Variants in TCEA1 observed in about 807,000 individuals in gnomAD.
TCEA1 encodes transcription elongation factor A protein 1.
Under a neutral mutation model 43.8 loss-of-function variants are expected in TCEA1, and 21 were observed. That is an observed-to-expected ratio of 0.48 (90% confidence interval 0.34 to 0.69). The LOEUF (loss-of-function observed/expected upper bound fraction) is 0.69. TCEA1 is among the 30% of genes least tolerant of loss of function. The probability of loss-of-function intolerance (pLI) is 0.01; values close to 1 mark genes in which losing one functional copy is unlikely to be tolerated. For missense variants in TCEA1, 250 were observed against 365.1 expected, an observed-to-expected ratio of 0.68 and a Z score of 2.57; for synonymous variants, 104 against 117.5, an observed-to-expected ratio of 0.88 and a Z score of 0.75.
intron 8 of TCEA1, among the ~76,000 whole-genome samples, chr8:53,974,463 T>A (rs1246433993): frequency 6.6e-6 from 1 of 150,402 alleles, no homozygotes; most frequent in Admixed American, 6.7e-5. Context: ...TGTTTATATT[T>A]TATGAAGTTC....
intron 2 of TCEA1, among the ~76,000 whole-genome samples, chr8:54,001,707 G>T (rs951543671): frequency 6.6e-6 from 1 of 152,160 alleles, no homozygotes; most frequent in Non-Finnish European, 1.5e-5. Flanking sequence ...GTACTGCTGG[G>T]TGATTGCTTT....
At chr8:53,978,804 T>A (rs1358390805) in intron 8 of TCEA1, 2 of 427,070 alleles carry the variant, frequency 4.7e-6, no homozygotes, top group Non-Finnish European at 8.3e-6. Flanking sequence ...TATGCCTAAT[T>A]TATAAATAAA....
chr8:53,979,034 A>G lies in TCEA1; in HGVS notation c.816T>C (p.Thr272=). 1 of 1,610,094 alleles carries G rather than the reference A, an allele frequency of 6.2e-7. No individual in the cohort carries two copies. The highest frequency in any genetic ancestry group is 2.2e-5 in the East Asian group (1 of 44,814). ...TCGKCKKKNC[T]YTQVQTRSAD... is the part of the protein sequence containing the mutation. ...ATAAACAATCACAAACCTGTGTGTA[A>G]GTGCAATTCTTCTTTTTACATTTGC... The change falls in exon 8 of 10, where the codon ACT becomes ACC. Residue 272 remains threonine (T), a synonymous_variant. Transcript: ENST00000521604.
chr8:53,988,333 G>T, intron 4 of TCEA1, 74 bp from the exon 5 acceptor site: 1 of 1,511,926 alleles, frequency 6.6e-7, no homozygotes, highest in Non-Finnish European at 8.9e-7. Context: ...CTATCATGCT[G>T]TAAAAACAAA....
intron 2 of TCEA1, 72 bp downstream of exon 2, chr8:54,010,358 T>A: frequency 8.8e-7 from 1 of 1,131,486 alleles, no homozygotes; most frequent in Non-Finnish European, 1.3e-6. Context: ...AAAAACATAT[T>A]GGTACTGAAG....
chr8:53,994,094 G>C (rs568690461), intron 3 of TCEA1, among the ~76,000 whole-genome samples: 1 of 152,220 alleles, frequency 6.6e-6, no homozygotes, highest in Non-Finnish European at 1.5e-5. Context: ...GCTCACGCCT[G>C]TAATTCCAGC....
intron 7 of TCEA1, among the ~76,000 whole-genome samples, chr8:53,980,537 G>C (rs1803470171): frequency 6.6e-6 from 1 of 152,108 alleles, no homozygotes. Context: ...TATCTGTTAG[G>C]TAATCTGTGA....
intron 8 of TCEA1, chr8:53,972,764 T>C: frequency 4.2e-6 from 3 of 713,634 alleles, no homozygotes; most frequent in South Asian, 2.7e-5. Context: ...AGTACTATTA[T>C]GCAGTAGTAG....
intron 8 of TCEA1, among the ~76,000 whole-genome samples, chr8:53,976,359 T>C (rs1020066311): frequency 2.0e-5 from 3 of 152,218 alleles, no homozygotes; most frequent in Non-Finnish European, 2.9e-5. Context: ...CTATACTTTA[T>C]ATATACTTAA....
intron 5 of TCEA1, 44 bp from the exon 6 acceptor site, chr8:53,987,069 A>T: frequency 6.7e-7 from 1 of 1,495,008 alleles, no homozygotes; most frequent in South Asian, 1.3e-5. Context: ...GTAACAGATT[A>T]AAAGAAAATT....
At position 53,967,152 on chromosome 8, in the gene TCEA1, G is replaced by T. The variant is rs1254774020; in HGVS notation, c.*952C>A. On this transcript the variant is annotated 3_prime_UTR_variant, in exon 10 of 10. Coordinates refer to ENST00000521604, the MANE Select transcript of TCEA1 (RefSeq NM_006756.4). Reference sequence around the variant, plus strand: ...TCAGTCTCCACATGGAAAGACCACAGCTTTAATGAATTATACAATCCTTAA... The same window carrying T: ...TCAGTCTCCACATGGAAAGACCACATCTTTAATGAATTATACAATCCTTAA... 1 of 209,732 alleles carries T rather than the reference G, an allele frequency of 4.8e-6. No homozygotes were observed. Among genetic ancestry groups the T allele is most frequent in the East Asian group, 7.3e-5 (1 of 13,760 alleles). The allele number at this position is 209,732 out of a possible 1,614,324, so 13.0% of individuals were successfully genotyped here. A position where few individuals can be genotyped will look rare whatever the true frequency, so the allele number is the denominator to read the frequency against.
intron 3 of TCEA1, among the ~76,000 whole-genome samples, chr8:53,996,249 G>A (rs902931320): frequency 2.0e-5 from 3 of 152,186 alleles, no homozygotes; most frequent in Admixed American, 1.3e-4. Flanking sequence ...TATCTGATAC[G>A]GTGTTGTGGG....
intron 7 of TCEA1, among the ~76,000 whole-genome samples, chr8:53,980,369 TTTGCAGTTACTGCA>T (rs1803466069): frequency 6.6e-6 from 1 of 152,254 alleles, no homozygotes; most frequent in African/African-American, 2.4e-5. Context: ...TTTATTGCAC[TTTGCAGTTACTGCA>T]TTTTTTACAA....
chr8:53,999,291 AG>A (rs1804175040), intron 3 of TCEA1, among the ~76,000 whole-genome samples: 3 of 151,700 alleles, frequency 2.0e-5, no homozygotes, highest in Admixed American at 1.3e-4. Flanking sequence ...CTTTTCCTGA[AG>A]GTAGAAAAAC....
intron 1 of TCEA1, among the ~76,000 whole-genome samples, chr8:54,020,549 A>G (rs541719458): frequency 6.6e-6 from 1 of 152,360 alleles, no homozygotes; most frequent in African/African-American, 2.4e-5. Flanking sequence ...TTCCTGATCT[A>G]GCTGTCATGT....
In TCEA1 at chr8:54,022,100, G is replaced by A; in HGVS notation, c.26C>T (p.Ala9Val). Residue 9 changes from alanine (A) to valine (V), a missense_variant, in exon 1 of 10, where the codon GCC (alanine) becomes GTC (valine). Physicochemically the swap from Ala to Val is moderately conservative, Grantham distance 64. Coordinates refer to ENST00000521604, the MANE Select transcript of TCEA1 (RefSeq NM_006756.4). The stretch of plus-strand genomic sequence containing the variant: ...CTGCACCATCTTGTCCATCTTCTTG[G>A]CAAAGCGGACCACTTCGTCCTCCAT... MEDEVVRF[A>V]KKMDKMVQKK... The A allele has an allele frequency of 6.2e-7, 1 of 1,605,898 alleles. No individual in the cohort carries two copies.
chr8:53,999,243 A>AG (rs1283735145), intron 3 of TCEA1, among the ~76,000 whole-genome samples: 2 of 150,150 alleles, frequency 1.3e-5, no homozygotes, highest in South Asian at 2.1e-4. Flanking sequence ...AAAAAAAAAA[A>AG]AAAGAAAGAA....
intron 8 of TCEA1, chr8:53,973,321 T>C (rs1585986385): frequency 3.8e-6 from 2 of 527,738 alleles, no homozygotes; most frequent in South Asian, 1.6e-5. Context: ...CAAGAACAAA[T>C]TGAAAGGAAA....
intron 2 of TCEA1, among the ~76,000 whole-genome samples, chr8:54,002,560 C>A (rs1804306143): frequency 7.0e-6 from 1 of 142,574 alleles, no homozygotes; most frequent in African/African-American, 2.5e-5. Context: ...TTTGGGGGTA[C>A]CATGGAAAAA....
Sources: gnomAD v4.1 joint callset for allele counts (sites outside exome capture counted in the v4.1 genomes callset) on GRCh38, gnomAD v4.1.1 for gene constraint, MANE v1.5 for transcripts, NCBI Gene and HGNC (gene_info 2026-07-23, HGNC 2026-07-21) for gene names.